Variants in CDC73 observed in about 807,000 individuals in gnomAD.
CDC73 encodes the protein parafibromin.
Under a neutral mutation model 83.7 loss-of-function variants are expected in CDC73, and 21 were observed. That is an observed-to-expected ratio of 0.25 (90% CI 0.18 to 0.36). The LOEUF is 0.36. Among genes scored for constraint, CDC73 ranks in the 10% least tolerant of loss-of-function variants. The pLI, the probability that CDC73 is intolerant of heterozygous loss-of-function variation, is 1.00. For missense variants in CDC73, 342 were observed against 653.3 expected (o/e 0.52, Z 5.19); for synonymous variants, 224 against 212.9 (o/e 1.05, Z -0.45).
chr1:193,207,345 T>A (rs192142331), intron 11 of CDC73, among the ~76,000 whole-genome samples: 72 of 152,304 alleles, frequency 4.7e-4, no homozygotes, highest in African/African-American at 1.3e-3. Flanking sequence ...CATATTGTCA[T>A]GACAAACATC....
At position 193,197,927 on chromosome 1, in the gene CDC73, C is replaced by CAAAAA. The variant is rs61392426; in HGVS notation, c.973-5852_973-5848dup. On this transcript the variant is annotated intron_variant, in intron 10 of 16. Coordinates refer to ENST00000367435, the MANE Select transcript of CDC73 (RefSeq NM_024529.5). ...GCAACAAAGTGAGATACCATCTCAC[C>CAAAAA]AAAAAAAAAAAAAAAAAAAAGTGTA... is the stretch of plus-strand genomic sequence containing the variant. Among the ~76,000 whole-genome samples the CAAAAA allele has an allele frequency of 7.4e-4, 54 of 73,208 alleles. 1 individual carries two copies. The highest frequency in any genetic ancestry group is 2.2e-3 in the African/African-American group (47 of 21,790). 48.0% of individuals were successfully genotyped at this position (73,208 alleles called of 152,430 possible).
intron 10 of CDC73, among the ~76,000 whole-genome samples, chr1:193,196,890 A>G (rs906959149): frequency 6.6e-6 from 1 of 152,210 alleles, no homozygotes; most frequent in South Asian, 2.1e-4. Context: ...TGTCATCTGC[A>G]AACATATTTT....
intron 10 of CDC73, among the ~76,000 whole-genome samples, chr1:193,185,767 ATCT>A (rs746205025): frequency 8.5e-5 from 13 of 152,138 alleles, no homozygotes; most frequent in East Asian, 1.9e-4. Flanking sequence ...CTTTAAACAC[ATCT>A]TCTTCTTATT....
intron 3 of CDC73, among the ~76,000 whole-genome samples, chr1:193,133,802 C>T (rs1369492126): frequency 6.6e-6 from 1 of 151,998 alleles, no homozygotes; most frequent in Non-Finnish European, 1.5e-5. Context: ...ACCAAACACT[C>T]TATGGATTAT....
chr1:193,240,069 G>A (rs957992459), intron 15 of CDC73, among the ~76,000 whole-genome samples: 1 of 151,974 alleles, frequency 6.6e-6, no homozygotes, highest in African/African-American at 2.4e-5. Flanking sequence ...ACCTCCATGA[G>A]ATCAACTTTT....
At chr1:193,148,856 CA>C (rs1676055282) in intron 8 of CDC73, among the ~76,000 whole-genome samples, 2 of 151,542 alleles carry the variant, frequency 1.3e-5, no homozygotes, top group South Asian at 4.2e-4. Flanking sequence ...TGTTCAAGAC[CA>C]GGCCGGTCTT....
rs752084116 is a variant in CDC73, at chr1:193,122,189, A to G, written c.-12A>G. On this transcript the variant is annotated 5_prime_UTR_variant, in exon 1 of 17. Coordinates refer to ENST00000367435, the MANE Select transcript of CDC73 (RefSeq NM_024529.5). ...GCGGCGCCCCGAGCCGGCGGAGGCG[A>G]GGGGGGGGAAGATGGCGGACGTGCT... 10 of 1,609,100 alleles carry G rather than the reference A, an allele frequency of 6.2e-6. No individual in the cohort carries two copies. The East Asian group carries it at 6.7e-5, about 11-fold the overall frequency.
intron 14 of CDC73, 82 bp downstream of exon 14, chr1:193,233,236 G>C (rs1677693182): frequency 3.8e-6 from 5 of 1,313,762 alleles, no homozygotes; most frequent in Admixed American, 3.4e-5. Context: ...TGATGACGTT[G>C]CTTTTTAAGA....
intron 13 of CDC73, among the ~76,000 whole-genome samples, chr1:193,222,198 TC>T (rs1338570832): frequency 1.3e-5 from 2 of 152,182 alleles, no homozygotes; most frequent in African/African-American, 4.8e-5. Flanking sequence ...GGGTGTAACT[TC>T]CTGATTTTGG....
intron 10 of CDC73, among the ~76,000 whole-genome samples, chr1:193,202,155 T>C (rs2103176715): frequency 6.6e-6 from 1 of 152,312 alleles, no homozygotes; most frequent in South Asian, 2.1e-4. Context: ...ATATAGGGGC[T>C]AATGTTCCTT....
In CDC73 at chr1:193,180,564, A is replaced by G. The variant is rs774933703; in HGVS notation, c.973-23231A>G. ...CATCTTCCAAGTGCAAACGGCGGAT[A>G]CCTAAAGAAACTTTAAAAATCTTTT... On this transcript the variant is annotated intron_variant, in intron 10 of 16. Coordinates refer to ENST00000367435, the MANE Select transcript of CDC73 (RefSeq NM_024529.5). 2.5e-6 allele frequency: 4 copies of G among 1,614,164 alleles called. No individual in the cohort carries two copies. In the South Asian group the frequency reaches 4.4e-5, roughly 18 times the overall value.
chr1:193,126,099 A>G (rs1186753874), intron 2 of CDC73, among the ~76,000 whole-genome samples: 1 of 152,200 alleles, frequency 6.6e-6, no homozygotes, highest in Non-Finnish European at 1.5e-5. Flanking sequence ...CATCTCAAGA[A>G]AAAGAAAACC....
chr1:193,217,180 G>A (rs768846566), intron 13 of CDC73, among the ~76,000 whole-genome samples: 6 of 152,032 alleles, frequency 3.9e-5, no homozygotes, highest in African/African-American at 1.4e-4. Context: ...GCACACCGAC[G>A]GGCAGGCTGT....
rs763577687 is a variant in CDC73, at chr1:193,122,187, C to G, written c.-14C>G. The G allele has an allele frequency of 1.7e-4, 276 of 1,611,586 alleles. No individual in the cohort carries two copies. The highest frequency in any genetic ancestry group is 2.3e-4 in the Non-Finnish European group (271 of 1,178,598). On this transcript the variant is annotated 5_prime_UTR_variant, in exon 1 of 17. Coordinates refer to ENST00000367435, the MANE Select transcript of CDC73 (RefSeq NM_024529.5). The stretch of plus-strand genomic sequence containing the variant: ...CGGCGGCGCCCCGAGCCGGCGGAGG[C>G]GAGGGGGGGGAAGATGGCGGACGTG...
chr1:193,186,634 C>T (rs539694030), intron 10 of CDC73: 1 of 152,236 alleles, frequency 6.6e-6, no homozygotes, highest in East Asian at 1.9e-4. Context: ...GATGCTCTCT[C>T]TGACAGAGCA....
chr1:193,147,726 T>C (rs1308237678), intron 7 of CDC73, 141 bp from the exon 8 acceptor site: 9 of 657,196 alleles, frequency 1.4e-5, no homozygotes, highest in Middle Eastern at 4.1e-4. Context: ...GGTTGGTTTT[T>C]ACATATGTGT....
intron 11 of CDC73, among the ~76,000 whole-genome samples, chr1:193,208,706 G>T (rs1382131170): frequency 6.6e-6 from 1 of 151,788 alleles, no homozygotes; most frequent in Non-Finnish European, 1.5e-5. Flanking sequence ...TGCTTAAAAA[G>T]CCCTACATGA....
At chr1:193,167,267 A>T (rs1470652054) in intron 10 of CDC73, among the ~76,000 whole-genome samples, 1 of 152,176 alleles carries the variant, frequency 6.6e-6, no homozygotes, top group African/African-American at 2.4e-5. Flanking sequence ...GTTGTACTTC[A>T]TTAGTGTTTT....
chr1:193,125,031 A>G, intron 1 of CDC73, 81 bp from the exon 2 acceptor site: 1 of 782,622 alleles, frequency 1.3e-6, no homozygotes, highest in East Asian at 2.5e-5. Flanking sequence ...GTTGTTAGCA[A>G]AGTTGTTTAT....
Sources: gnomAD v4.1 joint callset for allele counts (sites outside exome capture counted in the v4.1 genomes callset) on GRCh38, gnomAD v4.1.1 for gene constraint, MANE v1.5 for transcripts, NCBI Gene and HGNC (gene_info 2026-07-23, HGNC 2026-07-21) for gene names.